The following ERC1 variants were observed in gnomAD, a reference collection of about 807,000 sequenced individuals.
The protein encoded by ERC1 is ELKS/RAB6-interacting/CAST family member 1, also known as RAB6 interacting protein 2.
Under a neutral mutation model 132.0 loss-of-function variants are expected in ERC1, and 56 were observed. That is an observed-to-expected ratio of 0.42 (90% CI 0.34 to 0.53). The LOEUF is 0.53. Ranked by LOEUF, ERC1 falls within the 20% of genes least tolerant of loss-of-function variation. The pLI is 0.03. For synonymous variants in ERC1, 478 were observed against 476.1 expected (o/e 1.00, Z -0.05); for missense variants, 1,202 against 1,349.9 (o/e 0.89, Z 1.72).
chr12:1,159,127 C>T (rs1358211814), intron 8 of ERC1, among the ~76,000 whole-genome samples: 14 of 152,020 alleles, frequency 9.2e-5, no homozygotes, highest in Non-Finnish European at 2.1e-4. Flanking sequence ...AATTGATTTC[C>T]TCTCAGGTAG....
chr12:1,316,317 TTC>T (rs1254432655), intron 15 of ERC1, among the ~76,000 whole-genome samples: 2 of 152,208 alleles, frequency 1.3e-5, no homozygotes, highest in Non-Finnish European at 2.9e-5. Flanking sequence ...AGACTTTCTT[TTC>T]TCTGTTAACC....
intron 17 of ERC1, among the ~76,000 whole-genome samples, chr12:1,424,836 TA>T (rs879483808): frequency 0.059 from 6,408 of 109,212 alleles, 244 homozygotes; most frequent in East Asian, 0.091. Context: ...GATAGATAGA[TA>T]GATAGATGAT....
chr12:1,200,975 A>G (rs925943029), intron 12 of ERC1, among the ~76,000 whole-genome samples: 38 of 152,170 alleles, frequency 2.5e-4, no homozygotes, highest in African/African-American at 8.9e-4. Context: ...TATTTCTTTT[A>G]TATGTACATA....
At chr12:1,163,483 C>T (rs1952066447) in intron 8 of ERC1, among the ~76,000 whole-genome samples, 1 of 152,130 alleles carries the variant, frequency 6.6e-6, no homozygotes, top group South Asian at 2.1e-4. Context: ...AACTCTATTG[C>T]TGCATGATAA....
rs2094319498 is a variant in ERC1, at chr12:1,491,600, G to GC, written c.*1370_*1371insC. 1 of 229,640 alleles carries GC rather than the reference G, an allele frequency of 4.4e-6. No homozygotes were observed. Among genetic ancestry groups the GC allele is most frequent in the Non-Finnish European group, 8.6e-6 (1 of 116,032 alleles). 14.2% of individuals were successfully genotyped at this position (229,640 alleles called of 1,614,324 possible). The stretch of plus-strand genomic sequence containing the variant: ...CCTAATGGAATTCATGAGTTTGGGG[G>GC]TCTCAGTCACCCGCTTGCCTGTAGG... On this transcript the variant is annotated 3_prime_UTR_variant, in exon 19 of 19. Coordinates refer to ENST00000360905, the MANE Select transcript of ERC1 (RefSeq NM_178040.4).
At chr12:1,265,485 G>T (rs1212218393) in intron 14 of ERC1, among the ~76,000 whole-genome samples, 2 of 152,120 alleles carry the variant, frequency 1.3e-5, no homozygotes, top group African/African-American at 4.8e-5. Flanking sequence ...TTCCATTTAC[G>T]CCTTTCTCTG....
At chr12:1,049,276 A>G (rs1971537394) in intron 2 of ERC1, among the ~76,000 whole-genome samples, 1 of 152,250 alleles carries the variant, frequency 6.6e-6, no homozygotes, top group South Asian at 2.1e-4. Context: ...TGAATAGTGC[A>G]GGATTGGCAA....
At chr12:1,381,292 A>G (rs906596292) in intron 16 of ERC1, 4 of 152,228 alleles carry the variant, frequency 2.6e-5, no homozygotes, top group African/African-American at 9.6e-5. Context: ...TGCAATTCCG[A>G]GAAAAACAGA....
chr12:1,465,261 G>A (rs1416826472), intron 18 of ERC1, among the ~76,000 whole-genome samples: 3 of 152,210 alleles, frequency 2.0e-5, no homozygotes, highest in African/African-American at 7.2e-5. Context: ...CCTAAAGCCA[G>A]TGGGACTAGA....
At chr12:1,462,354 T>C (rs2093660453) in intron 18 of ERC1, among the ~76,000 whole-genome samples, 1 of 152,180 alleles carries the variant, frequency 6.6e-6, no homozygotes, top group African/African-American at 2.4e-5. Context: ...TGAAAGCATA[T>C]GTCCACAAAA....
At chr12:1,375,237 A>C (rs762490640) in intron 16 of ERC1, among the ~76,000 whole-genome samples, 20 of 152,196 alleles carry the variant, frequency 1.3e-4, no homozygotes, top group Admixed American at 2.6e-4. Flanking sequence ...CGGAAGGTGA[A>C]GGGGAAGCAA....
chr12:1,017,940 A>G (rs1003838151), intron 1 of ERC1, among the ~76,000 whole-genome samples: 3 of 152,230 alleles, frequency 2.0e-5, no homozygotes, highest in Non-Finnish European at 4.4e-5. Flanking sequence ...CCCCACAGAC[A>G]TATTTTCTGC....
chr12:1,487,837 AGAAAG>A (rs759653436), intron 18 of ERC1, among the ~76,000 whole-genome samples: 96 of 151,754 alleles, frequency 6.3e-4, no homozygotes, highest in South Asian at 1.9e-3. Context: ...AGAAAAGAAA[AGAAAG>A]GAAAGAGAGA....
At chr12:1,323,172 AGTG>A (rs2082225752) in intron 15 of ERC1, among the ~76,000 whole-genome samples, 1 of 95,838 alleles carries the variant, frequency 1.0e-5, no homozygotes, top group Non-Finnish European at 2.8e-5. Context: ...TTTGGACGTA[AGTG>A]TGCAATGTCT....
At chr12:1,190,707 A>G (rs1008929563) in intron 12 of ERC1, among the ~76,000 whole-genome samples, 1 of 152,134 alleles carries the variant, frequency 6.6e-6, no homozygotes, top group Non-Finnish European at 1.5e-5. Context: ...CTAAAGGTCA[A>G]GCATGTGCCT....
intron 15 of ERC1, among the ~76,000 whole-genome samples, chr12:1,313,828 A>AC (rs2081495053): frequency 6.6e-6 from 1 of 151,886 alleles, no homozygotes; most frequent in African/African-American, 2.4e-5. Flanking sequence ...CTACTATAAT[A>AC]CAAAAATCAG....
intron 17 of ERC1, chr12:1,410,419 AT>A (rs1300591141): frequency 1.5e-6 from 2 of 1,324,408 alleles, no homozygotes; most frequent in Non-Finnish European, 9.9e-7. Context: ...GGCATAGCCA[AT>A]CAGAGGCTTA....
intron 16 of ERC1, among the ~76,000 whole-genome samples, chr12:1,405,338 T>C (rs558635542): frequency 6.6e-6 from 1 of 151,728 alleles, no homozygotes; most frequent in Admixed American, 6.6e-5. Flanking sequence ...GGAATTGACT[T>C]TAAAATGTGC....
intron 15 of ERC1, among the ~76,000 whole-genome samples, chr12:1,353,276 T>C (rs1416544783): frequency 6.6e-6 from 1 of 152,022 alleles, no homozygotes; most frequent in Admixed American, 6.6e-5. Context: ...GTGATCCGCC[T>C]GCCTCGGCCT....
Sources: gnomAD v4.1 joint callset for allele counts (sites outside exome capture counted in the v4.1 genomes callset) on GRCh38, gnomAD v4.1.1 for gene constraint, MANE v1.5 for transcripts, NCBI Gene and HGNC (gene_info 2026-07-23, HGNC 2026-07-21) for gene names.